MRPS28: variants seen among roughly 807,000 people sequenced by gnomAD.
The protein encoded by MRPS28 is mitochondrial ribosomal protein S28, also known as small ribosomal subunit protein bS1m.
In MRPS28, 7 loss-of-function variants were observed where a neutral mutation model predicts 10.8. The observed-to-expected ratio is 0.65, with a 90% CI of 0.37 to 1.22. The LOEUF (loss-of-function observed/expected upper bound fraction) is 1.22. Ranked by LOEUF, MRPS28 falls within the 50% of genes most tolerant of loss-of-function variation. The probability of loss-of-function intolerance (pLI) is 0.02; values close to 1 mark genes in which losing one functional copy is unlikely to be tolerated. For synonymous variants in MRPS28, 121 were observed against 93.3 expected (o/e 1.30, Z -1.71); for missense variants, 265 against 232.9 (o/e 1.14, Z -0.90).
intron 2 of MRPS28, among the ~76,000 whole-genome samples, chr8:79,926,125 A>G (rs1810228739): frequency 6.6e-6 from 1 of 152,162 alleles, no homozygotes; most frequent in Non-Finnish European, 1.5e-5. Context: ...ATATGAATAC[A>G]TACATATGGA....
intron 2 of MRPS28, among the ~76,000 whole-genome samples, chr8:79,971,018 T>C (rs1305460181): frequency 1.3e-5 from 2 of 152,188 alleles, no homozygotes; most frequent in African/African-American, 4.8e-5. Context: ...TGGACTTTCC[T>C]TTAGAAGCCA....
chr8:79,919,222 C>T (rs921674493), intron 2 of MRPS28, 74 bp from the exon 3 acceptor site: 275 of 1,161,834 alleles, frequency 2.4e-4, no homozygotes, highest in Non-Finnish European at 3.1e-4. Context: ...ATAACAACAA[C>T]CAAATTCCAA....
chr8:79,986,403 T>C (rs1369740324), intron 2 of MRPS28, among the ~76,000 whole-genome samples: 3 of 152,088 alleles, frequency 2.0e-5, no homozygotes, highest in Non-Finnish European at 2.9e-5. Flanking sequence ...CTATTCAACA[T>C]AGTGTTGGAA....
intron 2 of MRPS28, among the ~76,000 whole-genome samples, chr8:79,978,815 T>C (rs1219026454): frequency 1.3e-5 from 2 of 152,162 alleles, no homozygotes; most frequent in Non-Finnish European, 2.9e-5. Flanking sequence ...GAAATGAGCA[T>C]AGAACAAACT....
At chr8:79,955,603 C>G (rs898066411) in intron 2 of MRPS28, among the ~76,000 whole-genome samples, 2 of 152,106 alleles carry the variant, frequency 1.3e-5, no homozygotes, top group African/African-American at 4.8e-5. Flanking sequence ...CATCCACTAC[C>G]TGGATGGAAG....
intron 2 of MRPS28, among the ~76,000 whole-genome samples, chr8:79,977,527 A>T (rs944430431): frequency 3.3e-5 from 5 of 152,202 alleles, no homozygotes; most frequent in African/African-American, 1.2e-4. Context: ...AATAAACAAA[A>T]GAATACAGGC....
At chr8:79,973,190 G>A (rs1229622871) in intron 2 of MRPS28, among the ~76,000 whole-genome samples, 4 of 152,090 alleles carry the variant, frequency 2.6e-5, no homozygotes, top group Non-Finnish European at 5.9e-5. Flanking sequence ...GTACATTCTG[G>A]ATGTCAAGGG....
At chr8:79,922,193 A>T (rs1366493047) in intron 2 of MRPS28, among the ~76,000 whole-genome samples, 1 of 152,208 alleles carries the variant, frequency 6.6e-6, no homozygotes, top group Non-Finnish European at 1.5e-5. Flanking sequence ...TGTTATTAAA[A>T]TGTAATGCCA....
chr8:79,999,376 C>A (rs1808594265), intron 2 of MRPS28, among the ~76,000 whole-genome samples: 1 of 152,214 alleles, frequency 6.6e-6, no homozygotes, highest in Admixed American at 6.5e-5. Context: ...TAGGTTCTTA[C>A]CCACAAATTT....
chr8:79,990,477 C>T (rs1250192099), intron 2 of MRPS28, among the ~76,000 whole-genome samples: 1 of 152,118 alleles, frequency 6.6e-6, no homozygotes, highest in Non-Finnish European at 1.5e-5. Flanking sequence ...TACAAAAATG[C>T]CAATCCCCAA....
At chr8:79,999,457 T>C (rs1808597334) in intron 2 of MRPS28, among the ~76,000 whole-genome samples, 1 of 152,194 alleles carries the variant, frequency 6.6e-6, no homozygotes. Flanking sequence ...TTCTCAATAA[T>C]ATTTTCAAAG....
chr8:79,950,849 C>A (rs1316326723), intron 2 of MRPS28, among the ~76,000 whole-genome samples: 1 of 152,166 alleles, frequency 6.6e-6, no homozygotes, highest in Non-Finnish European at 1.5e-5. Context: ...AGAGCATATG[C>A]CCTGTAGCTT....
At chr8:80,004,004 G>A (rs1188784320) in intron 1 of MRPS28, among the ~76,000 whole-genome samples, 4 of 152,224 alleles carry the variant, frequency 2.6e-5, no homozygotes, top group Non-Finnish European at 2.9e-5. Flanking sequence ...CCAACTGGGT[G>A]GAGCCCACCA....
At chr8:79,973,944 G>T (rs1297717060) in intron 2 of MRPS28, among the ~76,000 whole-genome samples, 1 of 151,906 alleles carries the variant, frequency 6.6e-6, no homozygotes, top group African/African-American at 2.4e-5. Flanking sequence ...AGAGATAAGG[G>T]TCTTGCTATG....
At position 79,970,598 on chromosome 8, in the gene MRPS28, G is replaced by A. The variant is rs1210718829; in HGVS notation, c.395+32401C>T. Among the ~76,000 whole-genome samples the A allele has an allele frequency of 2.0e-5, 3 of 152,146 alleles. No homozygotes were observed. The East Asian group carries it at 5.8e-4, about 29-fold the overall frequency. On this transcript the variant is annotated intron_variant, in intron 2 of 2. Coordinates refer to ENST00000276585, the MANE Select transcript of MRPS28 (RefSeq NM_014018.3). ...ACTTCTTCCAAAAAAACTGTTTACA[G>A]AACTTGGGCTCCAGCAACTTTTGCA...
At chr8:79,935,321 G>C (rs1025252105) in intron 2 of MRPS28, among the ~76,000 whole-genome samples, 2 of 152,030 alleles carry the variant, frequency 1.3e-5, no homozygotes, top group African/African-American at 4.8e-5. Flanking sequence ...ACACAAAACT[G>C]GCTCTTTTCT....
At chr8:79,977,248 T>C (rs1275993653) in intron 2 of MRPS28, among the ~76,000 whole-genome samples, 10 of 152,224 alleles carry the variant, frequency 6.6e-5, no homozygotes, top group African/African-American at 1.7e-4. Flanking sequence ...CTCATTTAAA[T>C]GAGTATTTTA....
At chr8:79,987,312 C>G (rs557452936) in intron 2 of MRPS28, among the ~76,000 whole-genome samples, 2 of 152,196 alleles carry the variant, frequency 1.3e-5, no homozygotes, top group East Asian at 3.9e-4. Context: ...AGACCTAAAA[C>G]CATAAAAACC....
chr8:79,962,324 G>A (rs750892917), intron 2 of MRPS28, among the ~76,000 whole-genome samples: 2 of 152,092 alleles, frequency 1.3e-5, no homozygotes, highest in Admixed American at 6.6e-5. Flanking sequence ...AGAAGCACAA[G>A]GCAAGGGGGT....
Sources: gnomAD v4.1 joint callset for allele counts (sites outside exome capture counted in the v4.1 genomes callset) on GRCh38, gnomAD v4.1.1 for gene constraint, MANE v1.5 for transcripts, NCBI Gene and HGNC (gene_info 2026-07-23, HGNC 2026-07-21) for gene names.